The following C12orf76 variants were observed in gnomAD, a reference collection of about 807,000 sequenced individuals.
C12orf76 encodes chromosome 12 open reading frame 76, also known as uncharacterized protein C12orf76.
C12orf76 carries 6 observed loss-of-function variants against 6.8 expected under a neutral mutation model. The observed-to-expected ratio is 0.88, with a 90% CI of 0.48 to 1.73. The LOEUF is 1.73. C12orf76 is among the 40% of genes most tolerant of loss of function. The pLI, the probability that C12orf76 is intolerant of heterozygous loss-of-function variation, is 0.01. For missense variants in C12orf76, 99 were observed against 98.2 expected (o/e 1.01, Z -0.03); for synonymous variants, 56 against 43.7 (o/e 1.28, Z -1.11).
intron 2 of C12orf76, among the ~76,000 whole-genome samples, chr12:110,065,328 G>A (rs944464453): frequency 2.8e-4 from 42 of 151,840 alleles, no homozygotes; most frequent in African/African-American, 7.7e-4. Context: ...CTGCCACCAC[G>A]CCCAGCTAAT....
At chr12:110,048,218 C>G (rs1892499305) in intron 1 of C12orf76, 145 bp downstream of exon 1, 2 of 1,060,046 alleles carry the variant, frequency 1.9e-6, no homozygotes, top group Non-Finnish European at 1.3e-6. Context: ...GTCTCGGGGC[C>G]CCCTGAGGGG....
upstream of C12orf76, among the ~76,000 whole-genome samples, chr12:110,070,515 G>A (rs1892949492): frequency 6.7e-6 from 1 of 150,076 alleles, no homozygotes; most frequent in Non-Finnish European, 1.5e-5. Context: ...GCAGTGAGCT[G>A]TGATCACGCC....
chr12:110,051,356 T>G (rs760024967), upstream of C12orf76: 1 of 675,846 alleles, frequency 1.5e-6, no homozygotes, highest in Non-Finnish European at 2.7e-6. Context: ...TCAAATGATA[T>G]ATGTCTGCAA....
intron 2 of C12orf76, among the ~76,000 whole-genome samples, chr12:110,063,855 C>G (rs1050293563): frequency 2.6e-5 from 4 of 151,640 alleles, no homozygotes; most frequent in African/African-American, 9.7e-5. Flanking sequence ...TGCTGTGAGC[C>G]AAGATCACGC....
At chr12:110,043,596 G>A (rs924927792) in intron 1 of C12orf76, among the ~76,000 whole-genome samples, 1 of 152,144 alleles carries the variant, frequency 6.6e-6, no homozygotes, top group Non-Finnish European at 1.5e-5. Flanking sequence ...GCTCATGCCT[G>A]TAATCCCAGC....
chr12:110,073,138 G>A (rs2137244972), intron 1 of C12orf76, among the ~76,000 whole-genome samples: 1 of 152,180 alleles, frequency 6.6e-6, no homozygotes, highest in Non-Finnish European at 1.5e-5. Flanking sequence ...GTTGCCCTGC[G>A]CTTTCCCACC....
chr12:110,052,762 C>G (rs1264900773), upstream of C12orf76, among the ~76,000 whole-genome samples: 1 of 152,220 alleles, frequency 6.6e-6, no homozygotes, highest in Non-Finnish European at 1.5e-5. Flanking sequence ...GAAGCTGAGA[C>G]AGAGTGGGCC....
upstream of C12orf76, among the ~76,000 whole-genome samples, chr12:110,071,172 CACTT>C (rs1357782230): frequency 2.0e-5 from 3 of 152,148 alleles, no homozygotes; most frequent in Non-Finnish European, 4.4e-5. Flanking sequence ...TAAAAACTAA[CACTT>C]AATAAGGGCT....
upstream of C12orf76, among the ~76,000 whole-genome samples, chr12:110,072,496 G>GT (rs1218170192): frequency 0.011 from 1,587 of 145,450 alleles, 21 homozygotes; most frequent in African/African-American, 0.026. Context: ...GGTTTTTTTT[G>GT]TTTTTTTTTT....
upstream of C12orf76, among the ~76,000 whole-genome samples, chr12:110,068,247 A>AAG (rs1237375571): frequency 7.8e-5 from 5 of 63,816 alleles, no homozygotes; most frequent in South Asian, 6.5e-4. Context: ...GAAGAAGAAG[A>AAG]AAGAAGAAGA....
upstream of C12orf76, among the ~76,000 whole-genome samples, chr12:110,053,839 T>G (rs528557154): frequency 1.3e-5 from 2 of 151,176 alleles, no homozygotes; most frequent in Non-Finnish European, 2.9e-5. Flanking sequence ...ATCCCAGTAC[T>G]TTGGGAGGCT....
exon 1 of C12orf76, chr12:110,067,587 C>A (rs1892887355): frequency 6.1e-6 from 6 of 985,322 alleles, no homozygotes; most frequent in Non-Finnish European, 7.2e-6. Context: ...ACTGCTCCGT[C>A]ATCTTCTCGA....
At chr12:110,057,799 C>G (rs1037170478) in intron 3 of C12orf76, among the ~76,000 whole-genome samples, 2 of 152,132 alleles carry the variant, frequency 1.3e-5, no homozygotes, top group African/African-American at 4.8e-5. Flanking sequence ...CGCAGTGACT[C>G]ACGCCTGTAA....
upstream of C12orf76, chr12:110,048,756 T>C: frequency 1.1e-6 from 1 of 939,146 alleles, no homozygotes; most frequent in Non-Finnish European, 1.4e-6. Context: ...ATTACCGTTC[T>C]GCTGTGGTTA....
intron 1 of C12orf76, among the ~76,000 whole-genome samples, chr12:110,043,610 T>G (rs1375787204): frequency 2.6e-5 from 4 of 152,062 alleles, no homozygotes; most frequent in African/African-American, 9.7e-5. Flanking sequence ...TCCCAGCACT[T>G]TGGGAGGCCG....
At chr12:110,048,341 C>G (rs1892504170) in intron 1 of C12orf76, 22 bp downstream of exon 1, 4 of 1,484,750 alleles carry the variant, frequency 2.7e-6, no homozygotes, top group Middle Eastern at 2.3e-4. Context: ...ACCCGCCGCC[C>G]GCCAGCCCGA....
chr12:110,053,981 G>A (rs552456640), upstream of C12orf76, among the ~76,000 whole-genome samples: 7 of 152,116 alleles, frequency 4.6e-5, no homozygotes, highest in Admixed American at 2.0e-4. Context: ...AGGCCAAGGT[G>A]GGAGGATTGC....
At position 110,042,385 on chromosome 12, in the gene C12orf76, G is replaced by A. The variant is rs776964702; in HGVS notation, c.208C>T (p.Arg70Trp). The A allele has an allele frequency of 4.8e-5, 78 of 1,613,806 alleles. 1 individual carries two copies. The highest frequency in any genetic ancestry group is 3.3e-4 in the Middle Eastern group (2 of 6,078). Reference protein sequence around the residue: ...LMAFCVYKPIRRR With the variant: ...LMAFCVYKPIWRR ...AACTTGTCTGGCTGTCACCGACGCC[G>A]AATGGGCTTGTAGACACAAAATGCC... The change falls in exon 2 of 2, where the codon CGG (arginine) becomes TGG (tryptophan). Residue 70 changes from arginine (R) to tryptophan (W), a missense_variant. Coordinates refer to ENST00000615315, the MANE Select transcript of C12orf76 (RefSeq NM_001389625.1).
chr12:110,044,830 G>A (rs1892405550), intron 1 of C12orf76, among the ~76,000 whole-genome samples: 1 of 151,900 alleles, frequency 6.6e-6, no homozygotes, highest in Admixed American at 6.6e-5. Flanking sequence ...AAAATTAGCT[G>A]GGCGTGATGG....
Sources: gnomAD v4.1 joint callset for allele counts (sites outside exome capture counted in the v4.1 genomes callset) on GRCh38, gnomAD v4.1.1 for gene constraint, MANE v1.5 for transcripts, NCBI Gene and HGNC (gene_info 2026-07-23, HGNC 2026-07-21) for gene names.